The following LYRM1 variants were observed in gnomAD, a reference collection of about 807,000 sequenced individuals.
The protein encoded by LYRM1 is LYR motif containing 1, also known as LYR motif-containing protein 1.
A neutral mutation model predicts 14.9 loss-of-function variants in LYRM1; 14 were observed. The observed-to-expected ratio is 0.94, with a 90% confidence interval of 0.62 to 1.47. LYRM1 has a LOEUF of 1.47. Among genes scored for constraint, LYRM1 ranks in the 40% most tolerant of loss-of-function variants. The probability of loss-of-function intolerance (pLI) is 0.00; values close to 1 mark genes in which losing one functional copy is unlikely to be tolerated. For missense variants in LYRM1, 153 were observed against 149.9 expected, an observed-to-expected ratio of 1.02 and a Z score of -0.11; for synonymous variants, 43 against 56.2, an observed-to-expected ratio of 0.77 and a Z score of 1.05.
At chr16:20,902,959 C>A (rs1397686771) in intron 1 of LYRM1, among the ~76,000 whole-genome samples, 1 of 152,104 alleles carries the variant, frequency 6.6e-6, no homozygotes, top group Non-Finnish European at 1.5e-5. Context: ...ACCACAATTA[C>A]GATCAGTTCC....
chr16:20,913,031 A>G (rs1285699950), intron 1 of LYRM1, among the ~76,000 whole-genome samples: 2 of 151,508 alleles, frequency 1.3e-5, no homozygotes, highest in Non-Finnish European at 2.9e-5. Context: ...GCGCCATTGC[A>G]CTCCAGCCTG....
In LYRM1 at chr16:20,901,914, A is replaced by G. The variant is rs963502872; in HGVS notation, c.-1+1025A>G. Among the ~76,000 whole-genome samples, 2 of 152,226 alleles carry G rather than the reference A, an allele frequency of 1.3e-5. No individual in the cohort carries two copies. The highest frequency in any genetic ancestry group is 2.9e-5 in the Non-Finnish European group (2 of 68,030). ...GCCTAGGCGGGCGGATCACGAGGTC[A>G]GGAGATCGAGATCATCCTGGCCAAC... On this transcript the variant is annotated intron_variant, in intron 1 of 3. Transcript: ENST00000567954. The surrounding 1 kb of genome is among the most constrained non-coding windows in gnomAD (Gnocchi z 4.6).
intron 1 of LYRM1, among the ~76,000 whole-genome samples, chr16:20,911,006 G>T (rs572784188): frequency 1.4e-4 from 21 of 152,256 alleles, no homozygotes; most frequent in Non-Finnish European, 2.9e-4. Flanking sequence ...TCAGAAACCT[G>T]TTTCCTTACC....
At position 20,918,669 on chromosome 16, in the gene LYRM1, T is replaced by C. The variant is rs576377908; in HGVS notation, c.160-1453T>C. On this transcript the variant is annotated intron_variant, in intron 2 of 3. Coordinates refer to ENST00000567954, the MANE Select transcript of LYRM1 (RefSeq NM_001128302.3). Reference sequence around the variant, plus strand: ...ATATCTTTGTCAAGGGCTTTTTCTTTCTTCCTAGTCCCTCATGCAGACATA... The same window carrying C: ...ATATCTTTGTCAAGGGCTTTTTCTTCCTTCCTAGTCCCTCATGCAGACATA... Among the ~76,000 whole-genome samples, 44 of 152,308 alleles carry C rather than the reference T, an allele frequency of 2.9e-4. 1 individual carries two copies. In the South Asian group the frequency reaches 8.9e-3, roughly 31 times the overall value.
At chr16:20,910,284 G>A (rs1027688119) in intron 1 of LYRM1, among the ~76,000 whole-genome samples, 7 of 152,176 alleles carry the variant, frequency 4.6e-5, no homozygotes, top group African/African-American at 1.7e-4. Flanking sequence ...GGAAATGGTA[G>A]GCTAGATTTA....
intron 3 of LYRM1, among the ~76,000 whole-genome samples, chr16:20,922,441 T>G (rs2083243279): frequency 6.6e-6 from 1 of 151,682 alleles, no homozygotes; most frequent in African/African-American, 2.4e-5. Flanking sequence ...AGGAATTGGC[T>G]CTCTATTTAT....
intron 1 of LYRM1, among the ~76,000 whole-genome samples, chr16:20,906,998 G>C (rs969575020): frequency 3.3e-5 from 5 of 152,078 alleles, no homozygotes; most frequent in African/African-American, 1.2e-4. Context: ...CCCATTATGA[G>C]TCCCCATTAC....
At chr16:20,902,421 C>G (rs2082112838) in intron 1 of LYRM1, 1 of 152,210 alleles carries the variant, frequency 6.6e-6, no homozygotes, top group South Asian at 2.1e-4. Flanking sequence ...GCTCCCAGAT[C>G]ACCTAAGAAG....
chr16:20,901,038 C>T lies in LYRM1; in HGVS notation c.-1+149C>T, dbSNP rs1457420959. 6.6e-6 allele frequency: 1 copy of T among 152,334 alleles called. No individual in the cohort carries two copies. Among genetic ancestry groups the T allele is most frequent in the Non-Finnish European group, 1.5e-5 (1 of 68,196 alleles). The allele number at this position is 152,334 out of a possible 1,614,324, so 9.4% of individuals were successfully genotyped here. A position where few individuals can be genotyped will look rare whatever the true frequency, so the allele number is the denominator to read the frequency against. On this transcript the variant is annotated intron_variant, in intron 1 of 3. Transcript: ENST00000567954. The surrounding 1 kb of genome is among the most constrained non-coding windows in gnomAD (Gnocchi z 4.6). Reference sequence around the variant, plus strand: ...TGACCCCAGCTTCGCGGGGGCGGCTCGGTGTCATCGCCACCGGCCTCGGGG... The same window carrying T: ...TGACCCCAGCTTCGCGGGGGCGGCTTGGTGTCATCGCCACCGGCCTCGGGG...
At chr16:20,902,803 T>G (rs1219297626) in intron 1 of LYRM1, 2 of 152,232 alleles carry the variant, frequency 1.3e-5, no homozygotes, top group East Asian at 3.8e-4. Context: ...TGTTTCTTAT[T>G]TGTGTCTTCC....
At chr16:20,907,529 G>A (rs1176298083) in intron 1 of LYRM1, among the ~76,000 whole-genome samples, 1 of 151,652 alleles carries the variant, frequency 6.6e-6, no homozygotes, top group Admixed American at 6.6e-5. Flanking sequence ...CCTGGCTAAT[G>A]TTTTTATTTT....
chr16:20,909,517 G>T (rs957772499), intron 1 of LYRM1, among the ~76,000 whole-genome samples: 4 of 152,172 alleles, frequency 2.6e-5, no homozygotes, highest in Admixed American at 6.6e-5. Context: ...TGTATTGCTG[G>T]TAAGAAAATC....
chr16:20,923,670 T>C (rs995308197), intron 3 of LYRM1, among the ~76,000 whole-genome samples: 4 of 152,184 alleles, frequency 2.6e-5, no homozygotes, highest in Non-Finnish European at 4.4e-5. Flanking sequence ...ATGTGATCCA[T>C]GCTCGTTTTT....
chr16:20,914,770 G>A (rs764325466), intron 1 of LYRM1, among the ~76,000 whole-genome samples: 4 of 152,102 alleles, frequency 2.6e-5, no homozygotes, highest in Non-Finnish European at 5.9e-5. Context: ...CTTTCAAGGG[G>A]GCATTTCCTG....
Position 20,924,161 on chromosome 16 carries a change from T to C in LYRM1, c.*45T>C, listed in dbSNP as rs866365939. 5 of 1,112,664 alleles carry C rather than the reference T, an allele frequency of 4.5e-6. No individual in the cohort carries two copies. The highest frequency in any genetic ancestry group is 4.8e-5 in the East Asian group (2 of 42,038). The allele number at this position is 1,112,664 out of a possible 1,614,324, so 68.9% of individuals were successfully genotyped here. On this transcript the variant is annotated 3_prime_UTR_variant, in exon 4 of 4. Transcript: ENST00000567954. The stretch of plus-strand genomic sequence containing the variant: ...CTGCAAATGATGAGCCAACTAGTTA[T>C]TGAATGTAAACCAGATGGCAAAACA...
chr16:20,917,038 C>T (rs1179812490), intron 2 of LYRM1, among the ~76,000 whole-genome samples: 4 of 147,528 alleles, frequency 2.7e-5, no homozygotes, highest in Non-Finnish European at 4.5e-5. Context: ...GGCAACATAG[C>T]GAGTCCCTGT....
intron 3 of LYRM1, 25 bp downstream of exon 3, chr16:20,920,239 T>A (rs775212447): frequency 6.6e-7 from 1 of 1,507,648 alleles, no homozygotes; most frequent in Non-Finnish European, 9.2e-7. Flanking sequence ...GGTTAACAAG[T>A]GCTGGGTACT....
intron 1 of LYRM1, among the ~76,000 whole-genome samples, chr16:20,907,326 T>G (rs759278640): frequency 3.3e-5 from 5 of 152,212 alleles, no homozygotes; most frequent in Non-Finnish European, 7.3e-5. Context: ...CTGTGGCCCC[T>G]TTCCCAAAGG....
At position 20,924,244 on chromosome 16, in the gene LYRM1, C is replaced by T. The variant is rs2083352716; in HGVS notation, c.*128C>T. 1 of 610,218 alleles carries T rather than the reference C, an allele frequency of 1.6e-6. No individual in the cohort carries two copies. The highest frequency in any genetic ancestry group is 2.9e-6 in the Non-Finnish European group (1 of 339,032). The allele number at this position is 610,218 out of a possible 1,614,324, so 37.8% of individuals were successfully genotyped here. On this transcript the variant is annotated 3_prime_UTR_variant, in exon 4 of 4. Coordinates refer to ENST00000567954, the MANE Select transcript of LYRM1 (RefSeq NM_001128302.3). ...TCTTAAAACCTCCACAATTGATTCT[C>T]CCCCTGTGATGTAAACTTAGATATC...
Sources: gnomAD v4.1 joint callset for allele counts (sites outside exome capture counted in the v4.1 genomes callset) on GRCh38, gnomAD v4.1.1 for gene constraint, Gnocchi (gnomAD v3.1) non-coding constraint, MANE v1.5 for transcripts, NCBI Gene and HGNC (gene_info 2026-07-23, HGNC 2026-07-21) for gene names.